KIRREL3: variants seen among roughly 807,000 people sequenced by gnomAD.
The protein encoded by KIRREL3 is kin of IRRE-like protein 3.
Under a neutral mutation model 89.7 loss-of-function variants are expected in KIRREL3, and 36 were observed. That is an observed-to-expected ratio of 0.40 (90% CI 0.31 to 0.53). KIRREL3 has a LOEUF of 0.53. Among genes scored for constraint, KIRREL3 ranks in the 20% least tolerant of loss-of-function variants. The pLI is 0.49. For missense variants in KIRREL3, 864 were observed against 1,056.6 expected (o/e 0.82, Z 2.53); for synonymous variants, 445 against 441.4 (o/e 1.01, Z -0.10).
Position 126,651,950 on chromosome 11 carries a change from T to A in KIRREL3, c.56-89038A>T, listed in dbSNP as rs147849265. Among the ~76,000 whole-genome samples, 11 of 152,310 alleles carry A rather than the reference T, an allele frequency of 7.2e-5. No homozygotes were observed. Among genetic ancestry groups the A allele is most frequent in the African/African-American group, 2.6e-4 (11 of 41,558 alleles). On this transcript the variant is annotated intron_variant, in intron 1 of 16. Coordinates refer to ENST00000525144, the MANE Select transcript of KIRREL3 (RefSeq NM_032531.4). The surrounding 1 kb of genome is among the most constrained non-coding windows in gnomAD (Gnocchi z 4.6). ...AGTCATGGGAAGTCCCTAATGAAAG[T>A]TTCTGAATTCAGATATTTAAATGAT...
At chr11:126,457,393 G>T (rs12421170) in intron 6 of KIRREL3, among the ~76,000 whole-genome samples, 150,667 of 150,980 alleles carry the variant, frequency 1, 75,177 homozygotes, top group Middle Eastern at 1. Context: ...ATGCGTGTGT[G>T]TGTATGTGTG....
At position 126,989,847 on chromosome 11, in the gene KIRREL3, C is replaced by T. The variant is rs1949973646; in HGVS notation, c.55+10608G>A. On this transcript the variant is annotated intron_variant, in intron 1 of 16. Coordinates refer to ENST00000525144, the MANE Select transcript of KIRREL3 (RefSeq NM_032531.4). This position sits in a 1 kb window ranked among gnomAD's most constrained non-coding sequence, Gnocchi z 6.2. ...TGGAAGGATGTTCAAACAGCCATGG[C>T]CCGTGGTGGTTTTTTATAATGGTGT... Among the ~76,000 whole-genome samples, 1 of 152,166 alleles carries T rather than the reference C, an allele frequency of 6.6e-6. No homozygotes were observed.
intron 1 of KIRREL3, among the ~76,000 whole-genome samples, chr11:126,852,101 C>T (rs1009531539): frequency 2.7e-5 from 4 of 145,524 alleles, no homozygotes; most frequent in Non-Finnish European, 4.5e-5. Context: ...TCTCCCAGGC[C>T]GGAGTGCAGT....
chr11:126,904,104 G>GCTATGA lies in KIRREL3; in HGVS notation c.55+96345_55+96350dup. On this transcript the variant is annotated intron_variant, in intron 1 of 16. Coordinates refer to ENST00000525144, the MANE Select transcript of KIRREL3 (RefSeq NM_032531.4). This position sits in a 1 kb window ranked among gnomAD's most constrained non-coding sequence, Gnocchi z 4.4. The stretch of plus-strand genomic sequence containing the variant: ...TGAAGGTCCTTTCCAACTCTAAATT[G>GCTATGA]CTATGATTTTATGAAGATGGCATAG... Among the ~76,000 whole-genome samples, 1 of 152,138 alleles carries GCTATGA rather than the reference G, an allele frequency of 6.6e-6. No homozygotes were observed. Among genetic ancestry groups the GCTATGA allele is most frequent in the East Asian group, 1.9e-4 (1 of 5,188 alleles).
rs957946772 is a variant in KIRREL3, at chr11:126,443,245, G to T, written c.1252+1734C>A. On this transcript the variant is annotated intron_variant, in intron 10 of 16. Coordinates refer to ENST00000525144, the MANE Select transcript of KIRREL3 (RefSeq NM_032531.4). The surrounding 1 kb of genome is among the most constrained non-coding windows in gnomAD (Gnocchi z 7.3). The stretch of plus-strand genomic sequence containing the variant: ...CTGGTCATAGGGCCAGCAGAGCAGA[G>T]CCGGCTGCAGGCACAGACAGCCTGA... Among the ~76,000 whole-genome samples the T allele has an allele frequency of 1.3e-5, 2 of 152,192 alleles. No homozygotes were observed. The highest frequency in any genetic ancestry group is 4.8e-5 in the African/African-American group (2 of 41,450).
In KIRREL3 at chr11:126,871,512, G is replaced by C. The variant is rs146901293; in HGVS notation, c.55+128943C>G. On this transcript the variant is annotated intron_variant, in intron 1 of 16. Transcript: ENST00000525144. ...GAAAGGAAGAAAAACTTTTATCCAA[G>C]AGCAGGTATGAGGCTTCTGAATAAA... Among the ~76,000 whole-genome samples, 25 of 152,326 alleles carry C rather than the reference G, an allele frequency of 1.6e-4. No homozygotes were observed. The East Asian group carries it at 4.8e-3, about 29-fold the overall frequency.
intron 4 of KIRREL3, among the ~76,000 whole-genome samples, chr11:126,509,110 T>C (rs1194354561): frequency 6.6e-6 from 1 of 152,194 alleles, no homozygotes; most frequent in Non-Finnish European, 1.5e-5. Context: ...GAACTTCTCA[T>C]GAGTGAAAGC....
intron 4 of KIRREL3, among the ~76,000 whole-genome samples, chr11:126,494,455 T>G (rs1421478044): frequency 6.6e-6 from 1 of 152,238 alleles, no homozygotes; most frequent in Middle Eastern, 3.2e-3. Flanking sequence ...CTGCAGGGTC[T>G]ATTGTGACTT....
rs73020593 is a variant in KIRREL3, at chr11:126,780,463, G to A, written c.56-217551C>T. Reference sequence around the variant, plus strand: ...CTCACTTACCTGATGTGGAACATATGCTGGGATCAGAATGACAGAGAATAA... The same window carrying A: ...CTCACTTACCTGATGTGGAACATATACTGGGATCAGAATGACAGAGAATAA... On this transcript the variant is annotated intron_variant, in intron 1 of 16. Coordinates refer to ENST00000525144, the MANE Select transcript of KIRREL3 (RefSeq NM_032531.4). This position sits in a 1 kb window ranked among gnomAD's most constrained non-coding sequence, Gnocchi z 5.3. 0.018 allele frequency among the ~76,000 whole-genome samples: 2,672 copies of A among 152,294 alleles called. 31 individuals are homozygous for A. The highest frequency in any genetic ancestry group is 0.029 in the Non-Finnish European group (1,975 of 68,016).
intron 1 of KIRREL3, among the ~76,000 whole-genome samples, chr11:126,713,737 G>A (rs1189881305): frequency 1.3e-5 from 2 of 152,130 alleles, no homozygotes; most frequent in Non-Finnish European, 2.9e-5. Context: ...GTGGGGTTCC[G>A]TAGGGGGATC....
rs190118751 is a variant in KIRREL3, at chr11:126,910,204, C to T, written c.55+90251G>A. On this transcript the variant is annotated intron_variant, in intron 1 of 16. Coordinates refer to ENST00000525144, the MANE Select transcript of KIRREL3 (RefSeq NM_032531.4). ...TTGAAAAGACTAATCTCAGGACTTCCTGGAGGAGGTGGACTTTGAGTGCTC... is the reference window on the plus strand; with the variant it reads ...TTGAAAAGACTAATCTCAGGACTTCTTGGAGGAGGTGGACTTTGAGTGCTC... Among the ~76,000 whole-genome samples, 22 of 152,184 alleles carry T rather than the reference C, an allele frequency of 1.4e-4. No homozygotes were observed. The East Asian group carries it at 4.3e-3, about 29-fold the overall frequency.
In KIRREL3 at chr11:126,689,989, C is replaced by A. The variant is rs1237542790; in HGVS notation, c.56-127077G>T. Among the ~76,000 whole-genome samples the A allele has an allele frequency of 6.6e-6, 1 of 152,178 alleles. No homozygotes were observed. Among genetic ancestry groups the A allele is most frequent in the Non-Finnish European group, 1.5e-5 (1 of 68,024 alleles). On this transcript the variant is annotated intron_variant, in intron 1 of 16. Coordinates refer to ENST00000525144, the MANE Select transcript of KIRREL3 (RefSeq NM_032531.4). The surrounding 1 kb of genome is among the most constrained non-coding windows in gnomAD (Gnocchi z 5.2). ...CTATTTGTCTCCCGGCCTCACACTG[C>A]CTTCCTCTTGCTCAGACTTTCCCTC...
At position 126,473,444 on chromosome 11, in the gene KIRREL3, G is replaced by C; in HGVS notation, c.456C>G (p.Ile152Met). ...GCAGGCTGATCACAGGGCCCCCCAG[G>C]ATGACGGGGTCATCAGGCGGCACTG... is the stretch of plus-strand genomic sequence containing the variant. ...TVLVPPDDPVILGGPVISLRA... is the reference protein window; with the variant it reads ...TVLVPPDDPVMLGGPVISLRA... Residue 152 changes from isoleucine to methionine, a missense_variant, in exon 5 of 17, where the codon ATC becomes ATG. Transcript: ENST00000525144. 1 of 1,566,210 alleles carries C rather than the reference G, an allele frequency of 6.4e-7. No homozygotes were observed. Among genetic ancestry groups the C allele is most frequent in the Non-Finnish European group, 8.7e-7 (1 of 1,146,168 alleles).
At chr11:126,960,072 A>C (rs940445972) in intron 1 of KIRREL3, among the ~76,000 whole-genome samples, 2 of 152,074 alleles carry the variant, frequency 1.3e-5, no homozygotes, top group African/African-American at 4.8e-5. Context: ...CATCTGAATG[A>C]ATGATTGAAT....
intron 1 of KIRREL3, among the ~76,000 whole-genome samples, chr11:126,680,583 T>C (rs746696095): frequency 5.3e-5 from 8 of 152,086 alleles, no homozygotes; most frequent in Non-Finnish European, 1.2e-4. Flanking sequence ...AATAAACATA[T>C]GCAAGGACTG....
At position 126,955,744 on chromosome 11, in the gene KIRREL3, C is replaced by T. The variant is rs574986719; in HGVS notation, c.55+44711G>A. ...TAGGTGTTTTAATGGGATCTAAAAA[C>T]GAACATGATGCTCGTCCTCAGAAAG... On this transcript the variant is annotated intron_variant, in intron 1 of 16. Transcript: ENST00000525144. This position sits in a 1 kb window ranked among gnomAD's most constrained non-coding sequence, Gnocchi z 4.6. Among the ~76,000 whole-genome samples the T allele has an allele frequency of 9.9e-5, 15 of 152,246 alleles. No homozygotes were observed. The South Asian group carries it at 1.5e-3, about 15-fold the overall frequency.
chr11:126,526,464 T>C lies in KIRREL3; in HGVS notation c.283+74A>G. ...CTCAGACACCTGTGAAGATGGGTGC[T>C]CCCTAGGAAGGTGGATGGGTGAGTA... is the stretch of plus-strand genomic sequence containing the variant. On this transcript the variant is annotated intron_variant, in intron 3 of 16. Transcript: ENST00000525144. This position sits in a 1 kb window ranked among gnomAD's most constrained non-coding sequence, Gnocchi z 5.7. 28 of 1,428,240 alleles carry C rather than the reference T, an allele frequency of 2.0e-5. No homozygotes were observed. The highest frequency in any genetic ancestry group is 2.7e-5 in the Non-Finnish European group (28 of 1,041,428). 88.5% of individuals were successfully genotyped at this position (1,428,240 alleles called of 1,614,324 possible).
At position 126,891,710 on chromosome 11, in the gene KIRREL3, C is replaced by T. The variant is rs1945929855; in HGVS notation, c.55+108745G>A. On this transcript the variant is annotated intron_variant, in intron 1 of 16. Coordinates refer to ENST00000525144, the MANE Select transcript of KIRREL3 (RefSeq NM_032531.4). The surrounding 1 kb of genome is among the most constrained non-coding windows in gnomAD (Gnocchi z 5.1). ...GCTTCTAAGATGCAGCCCTGACCGG[C>T]TGACTCAAAGGAAGTTGGCTGGCAG... is the stretch of plus-strand genomic sequence containing the variant. Among the ~76,000 whole-genome samples, 2 of 152,176 alleles carry T rather than the reference C, an allele frequency of 1.3e-5. No homozygotes were observed. Among genetic ancestry groups the T allele is most frequent in the African/African-American group, 2.4e-5 (1 of 41,446 alleles).
chr11:126,440,068 G>A lies in KIRREL3; in HGVS notation c.1353+381C>T, dbSNP rs1170241653. On this transcript the variant is annotated intron_variant, in intron 11 of 16. Coordinates refer to ENST00000525144, the MANE Select transcript of KIRREL3 (RefSeq NM_032531.4). ...GGAGGGCTCCAGGAGGCACAGAAAG[G>A]GGTTGCCAACTATTACCTGCGCTCT... is the stretch of plus-strand genomic sequence containing the variant. 11 of 408,068 alleles carry A rather than the reference G, an allele frequency of 2.7e-5. No homozygotes were observed. The Admixed American group carries it at 2.8e-4, about 10-fold the overall frequency. The allele number at this position is 408,068 out of a possible 1,614,324, so 25.3% of individuals were successfully genotyped here.
Sources: allele counts gnomAD v4.1 joint callset (sites outside exome capture counted in the v4.1 genomes callset), GRCh38; gene constraint gnomAD v4.1.1; non-coding constraint Gnocchi (gnomAD v3.1); transcripts MANE v1.5; gene names NCBI Gene and HGNC (gene_info 2026-07-23, HGNC 2026-07-21).